KIF16B: variants seen among roughly 807,000 people sequenced by gnomAD.
The protein encoded by KIF16B is kinesin family member 16B, also known as kinesin-like protein KIF16B.
Under a neutral mutation model 156.3 loss-of-function variants are expected in KIF16B, and 98 were observed. The ratio of observed to expected loss-of-function variants is 0.63; its 90% CI spans 0.53 to 0.74. KIF16B has a LOEUF of 0.74. KIF16B is among the 30% of genes least tolerant of loss of function. The probability of loss-of-function intolerance (pLI) is 0.00; values close to 1 mark genes in which losing one functional copy is unlikely to be tolerated. For synonymous variants in KIF16B, 564 were observed against 583.7 expected (o/e 0.97, Z 0.49); for missense variants, 1,421 against 1,606.5 (o/e 0.88, Z 1.97).
intron 25 of KIF16B, among the ~76,000 whole-genome samples, chr20:16,299,830 C>G (rs895797431): frequency 6.6e-6 from 1 of 152,144 alleles, no homozygotes; most frequent in Non-Finnish European, 1.5e-5. Context: ...GAGGCAGGAA[C>G]AACCTTTATT....
rs745577528 is a variant in KIF16B, at chr20:16,515,553, T to C, written c.343A>G (p.Asn115Asp). ...GSGKSYTMMG[N>D]SGDSGLIPRI... ...ACACAGTATAAACAACGTACAGAAT[T>C]TCCCATCATAGTGTATGACTTTCCA... Residue 115 changes from asparagine (N) to aspartate (D), a missense_variant, in exon 4 of 26, where the codon AAT becomes GAT. By Grantham distance (23) the Asn-to-Asp change is conservative. Coordinates refer to ENST00000354981, the MANE Select transcript of KIF16B (RefSeq NM_024704.5). The C allele has an allele frequency of 1.9e-6, 3 of 1,541,264 alleles. No homozygotes were observed. In the Admixed American group the frequency reaches 5.0e-5, roughly 26 times the overall value.
At chr20:16,332,827 A>G (rs150912519) in intron 24 of KIF16B, among the ~76,000 whole-genome samples, 105 of 151,802 alleles carry the variant, frequency 6.9e-4, no homozygotes, top group African/African-American at 2.0e-3. Context: ...GGTTCATAAT[A>G]TCTTTCTCCT....
At chr20:16,544,581 T>C (rs1418217660) in intron 1 of KIF16B, among the ~76,000 whole-genome samples, 1 of 106,512 alleles carries the variant, frequency 9.4e-6, no homozygotes, top group Non-Finnish European at 1.7e-5. Context: ...CACTCCAGCC[T>C]GGGTGACAAG....
At chr20:16,282,133 G>A (rs1485837163) in intron 25 of KIF16B, among the ~76,000 whole-genome samples, 1 of 150,324 alleles carries the variant, frequency 6.7e-6, no homozygotes, top group East Asian at 2.0e-4. Flanking sequence ...CCAGGTTCAA[G>A]CAATCCTCCT....
chr20:16,517,700 A>C (rs1489190668), intron 3 of KIF16B, among the ~76,000 whole-genome samples: 1 of 152,162 alleles, frequency 6.6e-6, no homozygotes, highest in Non-Finnish European at 1.5e-5. Flanking sequence ...GGCACTCAGG[A>C]CTCCAGACCA....
intron 1 of KIF16B, among the ~76,000 whole-genome samples, chr20:16,555,117 A>G (rs772096366): frequency 9.9e-5 from 15 of 152,216 alleles, no homozygotes; most frequent in Non-Finnish European, 1.9e-4. Flanking sequence ...AGCTGGCAAA[A>G]TGACACCCCA....
chr20:16,372,303 G>A (rs760589387), intron 20 of KIF16B, among the ~76,000 whole-genome samples: 8 of 152,090 alleles, frequency 5.3e-5, no homozygotes, highest in Non-Finnish European at 7.4e-5. Context: ...TTGTATTCCC[G>A]GTCTGTCTCG....
At position 16,564,902 on chromosome 20, in the gene KIF16B, C is replaced by T. The variant is rs181876291; in HGVS notation, c.47+8327G>A. Among the ~76,000 whole-genome samples, 226 of 152,134 alleles carry T rather than the reference C, an allele frequency of 1.5e-3. 1 individual carries two copies. The highest frequency in any genetic ancestry group is 5.1e-3 in the African/African-American group (210 of 41,518). ...CTGACTGTGCAGCCTCTCACACTGGCGACCTTCCCTCCTCCCAAGCCTTGA... is the reference window on the plus strand; with the variant it reads ...CTGACTGTGCAGCCTCTCACACTGGTGACCTTCCCTCCTCCCAAGCCTTGA... On this transcript the variant is annotated intron_variant, in intron 1 of 25. Transcript: ENST00000354981.
intron 12 of KIF16B, among the ~76,000 whole-genome samples, chr20:16,459,893 T>C (rs1394250313): frequency 2.0e-5 from 3 of 152,206 alleles, no homozygotes; most frequent in East Asian, 3.9e-4. Context: ...TCTGTTTTAG[T>C]ACTCATCTAG....
At chr20:16,439,217 A>T (rs1474375232) in intron 12 of KIF16B, among the ~76,000 whole-genome samples, 4 of 152,122 alleles carry the variant, frequency 2.6e-5, no homozygotes, top group Non-Finnish European at 5.9e-5. Context: ...CTCCACTGCT[A>T]CTGCCCTGGT....
At chr20:16,363,321 T>G (rs901069539) in intron 22 of KIF16B, among the ~76,000 whole-genome samples, 1 of 152,164 alleles carries the variant, frequency 6.6e-6, no homozygotes, top group African/African-American at 2.4e-5. Flanking sequence ...AGCCCATCCA[T>G]GGAGGTACTC....
chr20:16,557,496 T>C (rs1244549580), intron 1 of KIF16B, among the ~76,000 whole-genome samples: 2 of 152,084 alleles, frequency 1.3e-5, no homozygotes, highest in South Asian at 2.1e-4. Flanking sequence ...GCATTTTTTA[T>C]GTATAATCTA....
chr20:16,490,777 T>C (rs916947597), intron 12 of KIF16B, among the ~76,000 whole-genome samples: 1 of 152,176 alleles, frequency 6.6e-6, no homozygotes, highest in East Asian at 1.9e-4. Context: ...ATCCAGTCTG[T>C]GGTATTTTGT....
chr20:16,505,273 C>G (rs185299118), intron 9 of KIF16B, among the ~76,000 whole-genome samples: 83 of 152,278 alleles, frequency 5.5e-4, no homozygotes, highest in African/African-American at 1.9e-3. Flanking sequence ...CAATTATTGG[C>G]TGAAATACTG....
rs6131813 is a variant in KIF16B at position 16,335,986 on chromosome 20, T to A, written c.3651A>T (p.Val1217=). The part of the protein sequence containing the change: ...KITVLDETWT[V]FRRYSRFREM... ...CTCGAAAACGACTGTAACGCCTGAA[T>A]ACAGTCCATGTCTCATCTAGGACAG... The change falls in exon 24 of 26, where the codon GTA becomes GTT. Residue 1217 remains valine (V), a synonymous_variant. Transcript: ENST00000354981. 6.2e-7 allele frequency: 1 copy of A among 1,610,012 alleles called. No individual in the cohort carries two copies. Among genetic ancestry groups the A allele is most frequent in the Non-Finnish European group, 8.5e-7 (1 of 1,177,628 alleles).
chr20:16,359,943 G>T (rs1364229328), intron 22 of KIF16B, among the ~76,000 whole-genome samples: 1 of 152,164 alleles, frequency 6.6e-6, no homozygotes, highest in Non-Finnish European at 1.5e-5. Flanking sequence ...GAGAAATACT[G>T]CCAGAGTCCC....
At chr20:16,478,209 CAG>C (rs1259719922) in intron 12 of KIF16B, among the ~76,000 whole-genome samples, 2 of 152,076 alleles carry the variant, frequency 1.3e-5, no homozygotes, top group Non-Finnish European at 2.9e-5. Flanking sequence ...TTAAAACTAA[CAG>C]AAAATTTTTT....
chr20:16,377,728 G>A (rs1159977232), intron 19 of KIF16B, among the ~76,000 whole-genome samples: 1 of 152,160 alleles, frequency 6.6e-6, no homozygotes, highest in Non-Finnish European at 1.5e-5. Flanking sequence ...ATTGGGTGAT[G>A]TTTGCATCAC....
intron 22 of KIF16B, among the ~76,000 whole-genome samples, chr20:16,357,700 T>C (rs776976792): frequency 2.0e-5 from 3 of 152,184 alleles, no homozygotes; most frequent in Non-Finnish European, 2.9e-5. Context: ...AAGCTTGGAC[T>C]TCCAGAGGAC....
Sources: allele counts gnomAD v4.1 joint callset (sites outside exome capture counted in the v4.1 genomes callset), GRCh38; gene constraint gnomAD v4.1.1; transcripts MANE v1.5; gene names NCBI Gene and HGNC (gene_info 2026-07-23, HGNC 2026-07-21).